The following UNC13C variants were observed in gnomAD, a reference collection of about 807,000 sequenced individuals.
The protein encoded by UNC13C is protein unc-13 homolog C.
Under a neutral mutation model 245.4 loss-of-function variants are expected in UNC13C, and 174 were observed. That is an observed-to-expected ratio of 0.71 (90% CI 0.63 to 0.80). The LOEUF (loss-of-function observed/expected upper bound fraction) is 0.80, where lower values mean the gene tolerates loss of function less well. Among genes scored for constraint, UNC13C ranks in the 30% least tolerant of loss-of-function variants. The pLI is 0.00. For missense variants in UNC13C, 2,829 were observed against 2,602.9 expected, an observed-to-expected ratio of 1.09 and a Z score of -1.89; for synonymous variants, 992 against 895.1, an observed-to-expected ratio of 1.11 and a Z score of -1.93.
chr15:54,254,686 C>A lies in UNC13C; in HGVS notation c.3448+4242C>A, dbSNP rs944951295. On this transcript the variant is annotated intron_variant, in intron 8 of 32. Transcript: ENST00000260323. ...TTAGTGTCTCATCAAAAGGATCAAGCGAATAGCGTAAGCAGGATTAGAACT... is the reference window on the plus strand; with the variant it reads ...TTAGTGTCTCATCAAAAGGATCAAGAGAATAGCGTAAGCAGGATTAGAACT... Among the ~76,000 whole-genome samples, 5 of 152,288 alleles carry A rather than the reference C, an allele frequency of 3.3e-5. No homozygotes were observed. The South Asian group carries it at 1.0e-3, about 32-fold the overall frequency.
In UNC13C at chr15:54,567,883, C is replaced by T. The variant is rs1260604304; in HGVS notation, c.6042C>T (p.Leu2014=). 5.0e-6 allele frequency: 8 copies of T among 1,597,582 alleles called. No individual in the cohort carries two copies. The highest frequency in any genetic ancestry group is 6.8e-6 in the Non-Finnish European group (8 of 1,171,004). Residue 2014 remains leucine (L), a synonymous_variant, in exon 30 of 33, where the codon CTC becomes CTT. Coordinates refer to ENST00000260323, the MANE Select transcript of UNC13C (RefSeq NM_001080534.3). ...ATCTTCAGTCTCTGAGATATGCTCT[C>T]AGTCTTTATACCCAAACTACTGATG... ...SPDLQSLRYA[L]SLYTQTTDAL...
chr15:53,911,470 T>C, the UNC13C span: 1 of 152,116 alleles, frequency 6.6e-6, no homozygotes. Context: ...GGCACATACC[T>C]CTTATAGTGC....
intron 18 of UNC13C, among the ~76,000 whole-genome samples, chr15:54,394,163 TAAA>T (rs2040021790): frequency 6.6e-6 from 1 of 151,880 alleles, no homozygotes; most frequent in Non-Finnish European, 1.5e-5. Flanking sequence ...AAATTCCAGT[TAAA>T]GAAGAAATAC....
chr15:54,375,441 C>T (rs1019344926), intron 17 of UNC13C, among the ~76,000 whole-genome samples: 16 of 152,312 alleles, frequency 1.1e-4, no homozygotes, highest in Admixed American at 1.0e-3. Context: ...CTGTGACTTG[C>T]TTCTAGCCAA....
chr15:53,942,393 G>C, the UNC13C span, among the ~76,000 whole-genome samples: 1 of 151,986 alleles, frequency 6.6e-6, no homozygotes, highest in Non-Finnish European at 1.5e-5. Flanking sequence ...CATACACTGG[G>C]CCTGTTGGTG....
chr15:54,152,029 A>G (rs2032542244), intron 4 of UNC13C, among the ~76,000 whole-genome samples: 1 of 152,232 alleles, frequency 6.6e-6, no homozygotes, highest in Non-Finnish European at 1.5e-5. Context: ...AAGGACTAGC[A>G]TTTGGTAAGA....
At chr15:54,618,192 A>G (rs1484299897) in intron 30 of UNC13C, among the ~76,000 whole-genome samples, 1 of 152,138 alleles carries the variant, frequency 6.6e-6, no homozygotes, top group Non-Finnish European at 1.5e-5. Context: ...AGGAATTTTT[A>G]ATCCTCAAAA....
chr15:54,524,295 A>G (rs1596514254), intron 24 of UNC13C, among the ~76,000 whole-genome samples: 1 of 150,812 alleles, frequency 6.6e-6, no homozygotes, highest in Non-Finnish European at 1.5e-5. Context: ...GTGTGTCTGG[A>G]CAAGAGCTGT....
At chr15:54,484,210 G>T (rs1893284547) in intron 19 of UNC13C, among the ~76,000 whole-genome samples, 1 of 152,182 alleles carries the variant, frequency 6.6e-6, no homozygotes, top group Admixed American at 6.5e-5. Context: ...TATAGTGGGA[G>T]ACATGGTCTT....
chr15:54,282,768 G>A (rs577212853), intron 10 of UNC13C, among the ~76,000 whole-genome samples: 5 of 152,228 alleles, frequency 3.3e-5, no homozygotes, highest in Non-Finnish European at 5.9e-5. Context: ...ATTGAAGGAT[G>A]GTGAAGGTGG....
At chr15:54,166,067 A>C (rs1458750753) in intron 4 of UNC13C, among the ~76,000 whole-genome samples, 4 of 152,186 alleles carry the variant, frequency 2.6e-5, no homozygotes, top group Non-Finnish European at 5.9e-5. Context: ...TTATGTATTA[A>C]GGGTATTTTT....
At chr15:54,005,279 A>G (rs1019323511) in intron 1 of UNC13C, among the ~76,000 whole-genome samples, 7 of 152,186 alleles carry the variant, frequency 4.6e-5, no homozygotes, top group Non-Finnish European at 1.0e-4. Context: ...GAGTTCTTCA[A>G]ACATACTACA....
chr15:54,441,897 T>A (rs1028691129), intron 19 of UNC13C, among the ~76,000 whole-genome samples: 2 of 152,086 alleles, frequency 1.3e-5, no homozygotes, highest in Non-Finnish European at 2.9e-5. Flanking sequence ...TGGAGTCTTT[T>A]ATCATCTTTG....
chr15:54,549,917 T>G (rs1332320541), intron 28 of UNC13C, among the ~76,000 whole-genome samples: 1 of 152,162 alleles, frequency 6.6e-6, no homozygotes, highest in South Asian at 2.1e-4. Context: ...TAAACTGGCT[T>G]GATGTGAACA....
chr15:54,407,774 T>A (rs530435676), intron 18 of UNC13C, among the ~76,000 whole-genome samples: 1 of 152,218 alleles, frequency 6.6e-6, no homozygotes, highest in East Asian at 1.9e-4. Context: ...GAGGGACTAC[T>A]ACATAAAATA....
chr15:53,876,655 A>G, the UNC13C span, among the ~76,000 whole-genome samples: 1 of 152,116 alleles, frequency 6.6e-6, no homozygotes, highest in Middle Eastern at 3.4e-3. Context: ...CTTTTTTTTG[A>G]AAAGTCTGCT....
At chr15:54,552,184 T>A (rs963786885) in intron 28 of UNC13C, among the ~76,000 whole-genome samples, 1 of 143,326 alleles carries the variant, frequency 7.0e-6, no homozygotes, top group African/African-American at 2.6e-5. Flanking sequence ...ATTCAACAAT[T>A]TGACATTTTC....
chr15:54,142,155 G>C (rs894567763), intron 2 of UNC13C, among the ~76,000 whole-genome samples: 1 of 152,144 alleles, frequency 6.6e-6, no homozygotes, highest in Non-Finnish European at 1.5e-5. Context: ...TCTATCCTAT[G>C]ACCAGGCAAA....
chr15:53,952,224 T>G, the UNC13C span, among the ~76,000 whole-genome samples: 1 of 152,136 alleles, frequency 6.6e-6, no homozygotes, highest in Non-Finnish European at 1.5e-5. Context: ...GGTGTGCTGA[T>G]CTGGAGAAAA....
Sources: allele counts gnomAD v4.1 joint callset (sites outside exome capture counted in the v4.1 genomes callset), GRCh38; gene constraint gnomAD v4.1.1; transcripts MANE v1.5; gene names NCBI Gene and HGNC (gene_info 2026-07-23, HGNC 2026-07-21).